The following SNX18 variants were observed in gnomAD, a reference collection of about 807,000 sequenced individuals.
The protein encoded by SNX18 is sorting nexin 18.
Under a neutral mutation model 48.7 loss-of-function variants are expected in SNX18, and 35 were observed. The ratio of observed to expected loss-of-function variants is 0.72; its 90% confidence interval spans 0.55 to 0.95. SNX18 has a LOEUF of 0.95. Among genes scored for constraint, SNX18 ranks in the 40% least tolerant of loss-of-function variants. The pLI is 0.00. For missense variants in SNX18, 824 were observed against 871.0 expected (o/e 0.95, Z 0.68); for synonymous variants, 492 against 384.7 (o/e 1.28, Z -3.26).
the SNX18 span, among the ~76,000 whole-genome samples, chr5:54,610,990 C>T: frequency 6.6e-6 from 1 of 152,098 alleles, no homozygotes; most frequent in Non-Finnish European, 1.5e-5. Context: ...CTATGGTCAC[C>T]CTCTACCCTA....
At chr5:54,553,847 G>T in the SNX18 span, among the ~76,000 whole-genome samples, 1 of 152,192 alleles carries the variant, frequency 6.6e-6, no homozygotes, top group Non-Finnish European at 1.5e-5. Flanking sequence ...CCAACGTGGG[G>T]GTTGAGGCCC....
the SNX18 span, among the ~76,000 whole-genome samples, chr5:54,635,673 A>C: frequency 1.3e-5 from 2 of 152,322 alleles, no homozygotes; most frequent in East Asian, 3.9e-4. Flanking sequence ...GTCTCAGCAG[A>C]GATCTTTCAG....
the SNX18 span, among the ~76,000 whole-genome samples, chr5:54,639,232 A>C: frequency 6.6e-6 from 1 of 152,180 alleles, no homozygotes; most frequent in African/African-American, 2.4e-5. Context: ...TATAACCAGC[A>C]ATCTAGGGAC....
chr5:54,552,153 G>T, the SNX18 span, among the ~76,000 whole-genome samples: 1 of 152,182 alleles, frequency 6.6e-6, no homozygotes, highest in Admixed American at 6.5e-5. Flanking sequence ...CCTCCGCGAC[G>T]TGACCCATTA....
the SNX18 span, among the ~76,000 whole-genome samples, chr5:54,618,598 T>A: frequency 6.6e-6 from 1 of 152,196 alleles, no homozygotes; most frequent in Non-Finnish European, 1.5e-5. Context: ...ACATGCGATG[T>A]TAGAGTAGAT....
At chr5:54,577,846 C>G in the SNX18 span, among the ~76,000 whole-genome samples, 2 of 152,178 alleles carry the variant, frequency 1.3e-5, no homozygotes, top group African/African-American at 4.8e-5. Context: ...GAGGAAGTGG[C>G]TATAACACCA....
chr5:54,572,903 T>C, the SNX18 span, among the ~76,000 whole-genome samples: 4 of 148,308 alleles, frequency 2.7e-5, no homozygotes, highest in Admixed American at 6.8e-5. Flanking sequence ...AAGCAATTCT[T>C]CTGCCTCAGC....
chr5:54,536,587 C>T (rs1762360510), intron 1 of SNX18, among the ~76,000 whole-genome samples: 2 of 152,142 alleles, frequency 1.3e-5, no homozygotes, highest in Admixed American at 1.3e-4. Flanking sequence ...GCATAGTATT[C>T]CATGGTGTAT....
chr5:54,603,596 C>T, the SNX18 span, among the ~76,000 whole-genome samples: 1 of 152,024 alleles, frequency 6.6e-6, no homozygotes, highest in Admixed American at 6.6e-5. Context: ...TTCTTTCAGT[C>T]TTGGTTCTGG....
chr5:54,572,908 C>T, the SNX18 span, among the ~76,000 whole-genome samples: 2 of 148,050 alleles, frequency 1.4e-5, no homozygotes, highest in African/African-American at 2.5e-5. Context: ...ATTCTTCTGC[C>T]TCAGCCTGTC....
the SNX18 span, among the ~76,000 whole-genome samples, chr5:54,606,414 T>C: frequency 4.6e-5 from 7 of 152,328 alleles, no homozygotes; most frequent in Middle Eastern, 6.8e-3. Context: ...TTAGTCCCTC[T>C]AAACATTTAC....
downstream of SNX18, among the ~76,000 whole-genome samples, chr5:54,550,579 C>T (rs1053833877): frequency 2.0e-5 from 3 of 152,042 alleles, no homozygotes; most frequent in East Asian, 1.9e-4. Context: ...CTTATATATG[C>T]GGTAGATGAT....
chr5:54,643,584 T>C, the SNX18 span: 6 of 152,260 alleles, frequency 3.9e-5, no homozygotes, highest in South Asian at 4.1e-4. Context: ...GCACTGTTTA[T>C]TGACTATTTG....
Position 54,519,580 on chromosome 5 carries a change from C to G in SNX18, c.1621+7C>G. The stretch of plus-strand genomic sequence containing the variant: ...ATCATCCACGTTCAGAAAGGTAAAG[C>G]CTGGCCCTTAGAGCAGGTGATATGG... On this transcript the variant is annotated splice_region_variant and intron_variant, in intron 1 of 1. Coordinates refer to ENST00000381410, the MANE Select transcript of SNX18 (RefSeq NM_001102575.2). The G allele has an allele frequency of 6.2e-7, 1 of 1,614,210 alleles. No individual in the cohort carries two copies. Among genetic ancestry groups the G allele is most frequent in the Non-Finnish European group, 8.5e-7 (1 of 1,180,040 alleles).
the SNX18 span, among the ~76,000 whole-genome samples, chr5:54,618,008 T>G: frequency 6.6e-6 from 1 of 152,222 alleles, no homozygotes; most frequent in African/African-American, 2.4e-5. Flanking sequence ...AGTTTGGTTG[T>G]GTCCCCATCC....
the SNX18 span, among the ~76,000 whole-genome samples, chr5:54,578,947 C>A: frequency 6.6e-6 from 1 of 152,220 alleles, no homozygotes; most frequent in Non-Finnish European, 1.5e-5. Flanking sequence ...CTCATACTTA[C>A]ACCTACACTT....
chr5:54,567,439 G>A, the SNX18 span, among the ~76,000 whole-genome samples: 2 of 152,084 alleles, frequency 1.3e-5, no homozygotes, highest in South Asian at 2.1e-4. Flanking sequence ...TGGGGATTGT[G>A]GGGGACAAAA....
the SNX18 span, among the ~76,000 whole-genome samples, chr5:54,562,648 C>T: frequency 3.9e-5 from 6 of 152,298 alleles, no homozygotes; most frequent in South Asian, 2.1e-4. Flanking sequence ...AACACAACTA[C>T]GTACAGTACC....
chr5:54,544,366 TTTG>T lies in SNX18; in HGVS notation c.*937_*939del, dbSNP rs1762532922. On this transcript the variant is annotated 3_prime_UTR_variant, in exon 2 of 2. Transcript: ENST00000381410. Reference sequence around the variant, plus strand: ...TTCTTAGGAGGGTTTTGTTTTTGTTTTTGTTTTTAGGTTGAAGATTTTCTTTTA... The same window carrying T: ...TTCTTAGGAGGGTTTTGTTTTTGTTTTTTTTAGGTTGAAGATTTTCTTTTA... 1 of 151,610 alleles carries T rather than the reference TTTG, an allele frequency of 6.6e-6. No individual in the cohort carries two copies. The highest frequency in any genetic ancestry group is 1.9e-4 in the East Asian group (1 of 5,140). The allele number at this position is 151,610 out of a possible 1,614,324, so 9.4% of individuals were successfully genotyped here. A position where few individuals can be genotyped will look rare whatever the true frequency, so the allele number is the denominator to read the frequency against.
Sources: allele counts gnomAD v4.1 joint callset (sites outside exome capture counted in the v4.1 genomes callset), GRCh38; gene constraint gnomAD v4.1.1; transcripts MANE v1.5; gene names NCBI Gene and HGNC (gene_info 2026-07-23, HGNC 2026-07-21).